CACNA2D1: variants seen among roughly 807,000 people sequenced by gnomAD.
The protein encoded by CACNA2D1 is voltage-dependent calcium channel subunit alpha-2/delta-1.
Under a neutral mutation model 171.5 loss-of-function variants are expected in CACNA2D1, and 53 were observed. The observed-to-expected ratio is 0.31, with a 90% CI of 0.25 to 0.39. The LOEUF is 0.39. Ranked by LOEUF, CACNA2D1 falls within the 10% of genes least tolerant of loss-of-function variation. The pLI is 1.00. For synonymous variants in CACNA2D1, 442 were observed against 443.1 expected, an observed-to-expected ratio of 1.00 and a Z score of 0.03; for missense variants, 903 against 1,299.8, an observed-to-expected ratio of 0.69 and a Z score of 4.69.
At chr7:82,095,213 C>A (rs879467263) in intron 6 of CACNA2D1, among the ~76,000 whole-genome samples, 1 of 152,012 alleles carries the variant, frequency 6.6e-6, no homozygotes, top group African/African-American at 2.4e-5. Context: ...TAAACTTCTC[C>A]CTTCTTTTTT....
At chr7:82,056,908 G>C (rs1805972929) in intron 10 of CACNA2D1, among the ~76,000 whole-genome samples, 1 of 151,750 alleles carries the variant, frequency 6.6e-6, no homozygotes, top group Non-Finnish European at 1.5e-5. Context: ...TTATAGTACA[G>C]GGAGTCCAAT....
At position 81,953,741 on chromosome 7, in the gene CACNA2D1, TATG is replaced by T. The variant is rs1285631987; in HGVS notation, c.3160-3236_3160-3234del. ...CACTTAAACAGGAGTACTCCCCAGT[TATG>T]ATTAAGTGTTAATTTGAATAAAAAT... On this transcript the variant is annotated intron_variant, in intron 38 of 38. Transcript: ENST00000356860. Among the ~76,000 whole-genome samples the T allele has an allele frequency of 2.0e-5, 3 of 152,206 alleles. No homozygotes were observed. The East Asian group carries it at 5.8e-4, about 30-fold the overall frequency.
At chr7:81,975,820 C>G (rs1039737099) in intron 24 of CACNA2D1, among the ~76,000 whole-genome samples, 1 of 86,672 alleles carries the variant, frequency 1.2e-5, no homozygotes, top group Non-Finnish European at 2.5e-5. Context: ...ACAACTTTCC[C>G]AAAATTCTAA....
chr7:82,001,780 A>G, intron 18 of CACNA2D1: 1 of 540,058 alleles, frequency 1.9e-6, no homozygotes, highest in Admixed American at 3.0e-5. Context: ...GTTCTATCCT[A>G]TAATCAATTT....
intron 6 of CACNA2D1, among the ~76,000 whole-genome samples, chr7:82,088,735 C>T (rs1810783538): frequency 6.6e-6 from 1 of 151,940 alleles, no homozygotes; most frequent in South Asian, 2.1e-4. Flanking sequence ...GAATGGTATT[C>T]TATAAATTGG....
chr7:82,225,606 T>C (rs961114789), intron 3 of CACNA2D1, among the ~76,000 whole-genome samples: 14 of 152,196 alleles, frequency 9.2e-5, no homozygotes, highest in African/African-American at 3.1e-4. Context: ...CATTGATATT[T>C]ATATATTTTA....
chr7:82,261,202 G>A (rs1807048361), intron 3 of CACNA2D1, among the ~76,000 whole-genome samples: 1 of 152,148 alleles, frequency 6.6e-6, no homozygotes, highest in Non-Finnish European at 1.5e-5. Flanking sequence ...TGATCTGCCC[G>A]CCTCGGCCTC....
At chr7:82,012,078 A>G in intron 15 of CACNA2D1, 76 bp downstream of exon 15, 1 of 914,482 alleles carries the variant, frequency 1.1e-6, no homozygotes, top group East Asian at 2.4e-5. Flanking sequence ...AAACAGAGAC[A>G]TCATCTAGAA....
intron 3 of CACNA2D1, among the ~76,000 whole-genome samples, chr7:82,200,637 T>C (rs1351958630): frequency 6.6e-6 from 1 of 152,204 alleles, no homozygotes; most frequent in Non-Finnish European, 1.5e-5. Flanking sequence ...TCCTTTACTT[T>C]GATCCTTCAA....
At chr7:82,304,468 AATAG>A (rs1266545361) in intron 3 of CACNA2D1, among the ~76,000 whole-genome samples, 1 of 152,186 alleles carries the variant, frequency 6.6e-6, no homozygotes, top group Non-Finnish European at 1.5e-5. Context: ...TCAGCAGATG[AATAG>A]ATAAAGAAAA....
intron 38 of CACNA2D1, among the ~76,000 whole-genome samples, chr7:81,953,027 C>T (rs550237416): frequency 6.6e-6 from 1 of 151,970 alleles, no homozygotes; most frequent in Non-Finnish European, 1.5e-5. Flanking sequence ...GTAGCTGGGA[C>T]TATAGATGTG....
intron 3 of CACNA2D1, among the ~76,000 whole-genome samples, chr7:82,250,595 T>A (rs1365024027): frequency 1.3e-5 from 2 of 152,196 alleles, no homozygotes; most frequent in African/African-American, 4.8e-5. Flanking sequence ...TCTATTGTTA[T>A]TGCTTAAGCA....
At chr7:82,294,182 T>TA (rs1458742173) in intron 3 of CACNA2D1, among the ~76,000 whole-genome samples, 1 of 152,178 alleles carries the variant, frequency 6.6e-6, no homozygotes, top group Non-Finnish European at 1.5e-5. Context: ...ATTGTTCGGC[T>TA]ATATTTTAAT....
chr7:81,995,459 T>G (rs1797944712), intron 19 of CACNA2D1, among the ~76,000 whole-genome samples: 1 of 152,154 alleles, frequency 6.6e-6, no homozygotes, highest in Admixed American at 6.5e-5. Context: ...GGATTTAGAA[T>G]AATAGAGTTG....
At chr7:82,021,954 C>A (rs1383648513) in intron 12 of CACNA2D1, among the ~76,000 whole-genome samples, 1 of 151,946 alleles carries the variant, frequency 6.6e-6, no homozygotes, top group African/African-American at 2.4e-5. Flanking sequence ...AATCTCAATT[C>A]TAGGTAGTAA....
chr7:82,273,847 G>A (rs1328640452), intron 3 of CACNA2D1, among the ~76,000 whole-genome samples: 1 of 152,118 alleles, frequency 6.6e-6, no homozygotes, highest in Non-Finnish European at 1.5e-5. Flanking sequence ...AAAGCTTCTC[G>A]ATGTTAATAA....
At chr7:82,264,293 T>C (rs1807519072) in intron 3 of CACNA2D1, among the ~76,000 whole-genome samples, 1 of 152,212 alleles carries the variant, frequency 6.6e-6, no homozygotes, top group Non-Finnish European at 1.5e-5. Flanking sequence ...TCCTATTCAA[T>C]ATTAATGAAT....
At chr7:82,023,679 T>C (rs1801530356) in intron 12 of CACNA2D1, among the ~76,000 whole-genome samples, 1 of 151,642 alleles carries the variant, frequency 6.6e-6, no homozygotes. Context: ...TACCATCCTA[T>C]GGTGAGATCT....
At chr7:82,101,393 T>A (rs1357699749) in intron 6 of CACNA2D1, among the ~76,000 whole-genome samples, 1 of 152,182 alleles carries the variant, frequency 6.6e-6, no homozygotes, top group Non-Finnish European at 1.5e-5. Context: ...GCCTTCTACA[T>A]TATTTACCTA....
Sources: gnomAD v4.1 joint callset for allele counts (sites outside exome capture counted in the v4.1 genomes callset) on GRCh38, gnomAD v4.1.1 for gene constraint, MANE v1.5 for transcripts, NCBI Gene and HGNC (gene_info 2026-07-23, HGNC 2026-07-21) for gene names.